Variants in ITK observed in about 807,000 individuals in gnomAD.
The protein encoded by ITK is tyrosine-protein kinase ITK/TSK.
Under a neutral mutation model 87.6 loss-of-function variants are expected in ITK, and 45 were observed. The ratio of observed to expected loss-of-function variants is 0.51; its 90% CI spans 0.40 to 0.66. The LOEUF is 0.66. Among genes scored for constraint, ITK ranks in the 30% least tolerant of loss-of-function variants. The pLI is 0.00. For missense variants in ITK, 605 were observed against 766.3 expected, an observed-to-expected ratio of 0.79 and a Z score of 2.48; for synonymous variants, 303 against 273.6, an observed-to-expected ratio of 1.11 and a Z score of -1.06.
chr5:157,234,080 G>A (rs890177024), intron 8 of ITK, among the ~76,000 whole-genome samples: 24 of 143,320 alleles, frequency 1.7e-4, no homozygotes, highest in African/African-American at 5.2e-4. Context: ...GCCTGGGTTC[G>A]AGTGATTCTC....
chr5:157,229,670 T>C (rs1390585497), intron 7 of ITK, among the ~76,000 whole-genome samples: 5 of 152,074 alleles, frequency 3.3e-5, no homozygotes, highest in African/African-American at 1.2e-4. Context: ...TCTCAACACT[T>C]TGGGAGGCTG....
intron 6 of ITK, among the ~76,000 whole-genome samples, chr5:157,227,947 C>CA (rs1025488618): frequency 3.8e-4 from 57 of 149,926 alleles, no homozygotes; most frequent in African/African-American, 1.3e-3. Context: ...TCTTGTGCCT[C>CA]AGCCTCCCGA....
Position 157,248,964 on chromosome 5 carries a change from C to T in ITK, c.1748C>T (p.Ala583Val), listed in dbSNP as rs200077959. ...TTTCGGTTGTACAAGCCCCGGCTGGCCTCCACACACGTCTACCAGATTATG... is the reference window on the plus strand; with the variant it reads ...TTTCGGTTGTACAAGCCCCGGCTGGTCTCCACACACGTCTACCAGATTATG... ...TGFRLYKPRL[A>V]STHVYQIMNH... Residue 583 changes from alanine (A) to valine (V), a missense_variant, in exon 16 of 17, where the codon GCC becomes GTC. Transcript: ENST00000422843. 61 of 1,613,918 alleles carry T rather than the reference C, an allele frequency of 3.8e-5. No individual in the cohort carries two copies. Among genetic ancestry groups the T allele is most frequent in the African/African-American group, 1.6e-4 (12 of 75,048 alleles).
In ITK at chr5:157,254,454, G is replaced by C. The variant is rs968934462; in HGVS notation, c.*1776G>C. On this transcript the variant is annotated 3_prime_UTR_variant, in exon 17 of 17. Transcript: ENST00000422843. ...CCTTTAATTATCATTCCAACTTTCA[G>C]CTGTAGTCTTCTTGAACACTTCATG... 1 of 221,386 alleles carries C rather than the reference G, an allele frequency of 4.5e-6. No homozygotes were observed. The highest frequency in any genetic ancestry group is 2.2e-5 in the African/African-American group (1 of 44,670). The allele number at this position is 221,386 out of a possible 1,614,324, so 13.7% of individuals were successfully genotyped here.
At chr5:157,225,919 G>C (rs30114) in intron 6 of ITK, among the ~76,000 whole-genome samples, 107,427 of 152,010 alleles carry the variant, frequency 0.71, 38,475 homozygotes, top group East Asian at 0.98. Flanking sequence ...CCCCAAATGA[G>C]AGTTAAACCC....
intron 5 of ITK, 22 bp from the exon 6 acceptor site, chr5:157,222,840 GT>G: frequency 6.2e-7 from 1 of 1,613,796 alleles, no homozygotes; most frequent in South Asian, 1.1e-5. Context: ...TCTTTGCTTG[GT>G]TTTGTTGTCT....
chr5:157,248,763 G>T (rs904456338), intron 15 of ITK, 87 bp from the exon 16 acceptor site: 2 of 1,436,414 alleles, frequency 1.4e-6, no homozygotes, highest in African/African-American at 2.8e-5. Context: ...CCTAATGCAA[G>T]GAGTCTGTAA....
intron 4 of ITK, among the ~76,000 whole-genome samples, chr5:157,216,810 G>T (rs1341969172): frequency 6.6e-6 from 1 of 152,094 alleles, no homozygotes; most frequent in South Asian, 2.1e-4. Flanking sequence ...TATTACAGGG[G>T]TTTTCCTTCT....
At chr5:157,189,963 C>T (rs1408385587) in intron 1 of ITK, among the ~76,000 whole-genome samples, 1 of 152,276 alleles carries the variant, frequency 6.6e-6, no homozygotes, top group Non-Finnish European at 1.5e-5. Context: ...TTGGGTTTGG[C>T]TTCATGACAC....
chr5:157,181,461 A>G (rs1580869537), intron 1 of ITK, among the ~76,000 whole-genome samples: 1 of 152,302 alleles, frequency 6.6e-6, no homozygotes, highest in East Asian at 1.9e-4. Flanking sequence ...TACTAAATTT[A>G]ATGAAACATA....
intron 1 of ITK, among the ~76,000 whole-genome samples, chr5:157,200,259 G>A (rs545444554): frequency 3.0e-4 from 44 of 148,116 alleles, no homozygotes; most frequent in Non-Finnish European, 5.9e-4. Flanking sequence ...CAGACTATGA[G>A]GATGGCATAT....
At chr5:157,184,965 A>G (rs1753612238) in intron 1 of ITK, among the ~76,000 whole-genome samples, 1 of 152,150 alleles carries the variant, frequency 6.6e-6, no homozygotes, top group Non-Finnish European at 1.5e-5. Context: ...TCCAGTAAGC[A>G]TCTGGGTGAG....
intron 1 of ITK, among the ~76,000 whole-genome samples, chr5:157,190,996 T>A (rs1289062610): frequency 1.3e-5 from 2 of 152,022 alleles, no homozygotes; most frequent in East Asian, 1.9e-4. Context: ...AGCTATGGGG[T>A]CAGCAGATTA....
chr5:157,225,444 A>T (rs1214342361), intron 6 of ITK, among the ~76,000 whole-genome samples: 1 of 152,004 alleles, frequency 6.6e-6, no homozygotes, highest in Non-Finnish European at 1.5e-5. Context: ...TTGAACTTTT[A>T]AAAAAAGTCA....
intron 11 of ITK, 22 bp downstream of exon 11, chr5:157,241,742 G>A (rs754182932): frequency 3.8e-6 from 6 of 1,580,856 alleles, no homozygotes. Context: ...AATCAGGAAT[G>A]TAAACTCATG....
intron 1 of ITK, among the ~76,000 whole-genome samples, chr5:157,200,245 A>G (rs1159651059): frequency 6.6e-6 from 1 of 151,688 alleles, no homozygotes; most frequent in East Asian, 1.9e-4. Flanking sequence ...TTGGGATGAA[A>G]CATCAGACTA....
intron 8 of ITK, among the ~76,000 whole-genome samples, chr5:157,235,558 C>G (rs1192181404): frequency 6.6e-6 from 1 of 152,176 alleles, no homozygotes. Flanking sequence ...GTGGGTAACT[C>G]TCTTAGAACA....
At chr5:157,181,259 T>C in intron 1 of ITK, 144 bp downstream of exon 1, 1 of 925,384 alleles carries the variant, frequency 1.1e-6, no homozygotes, top group Non-Finnish European at 1.7e-6. Context: ...ACAGTAAAAG[T>C]AATCAGAGGA....
At chr5:157,209,738 G>A (rs1754150215) in intron 2 of ITK, among the ~76,000 whole-genome samples, 2 of 152,190 alleles carry the variant, frequency 1.3e-5, no homozygotes, top group South Asian at 4.1e-4. Context: ...AGGACTATCT[G>A]GAATCGCACT....
Sources: allele counts gnomAD v4.1 joint callset (sites outside exome capture counted in the v4.1 genomes callset), GRCh38; gene constraint gnomAD v4.1.1; transcripts MANE v1.5; gene names NCBI Gene and HGNC (gene_info 2026-07-23, HGNC 2026-07-21).